Variants in SHANK2 observed in about 807,000 individuals in gnomAD.
The protein encoded by SHANK2 is SH3 and multiple ankyrin repeat domains 2.
A neutral mutation model predicts 133.7 loss-of-function variants in SHANK2; 43 were observed. That is an observed-to-expected ratio of 0.32 (90% CI 0.25 to 0.41). The LOEUF is 0.41. Among genes scored for constraint, SHANK2 ranks in the 10% least tolerant of loss-of-function variants. SHANK2 has a pLI of 1.00. For missense variants in SHANK2, 1,994 were observed against 2,235.8 expected (o/e 0.89, Z 2.18); for synonymous variants, 1,017 against 952.8 (o/e 1.07, Z -1.24).
intron 17 of SHANK2, among the ~76,000 whole-genome samples, chr11:70,608,947 T>C (rs1591643989): frequency 6.6e-6 from 1 of 152,356 alleles, no homozygotes; most frequent in South Asian, 2.1e-4. Context: ...CCCATGCTAA[T>C]TAATTTCACT....
rs1555075747 is a variant in SHANK2, at chr11:70,896,586, A to G, written c.1108-19T>C. 2 of 718,828 alleles carry G rather than the reference A, an allele frequency of 2.8e-6. No homozygotes were observed. Among genetic ancestry groups the G allele is most frequent in the Admixed American group, 2.0e-5 (1 of 49,962 alleles). 44.5% of individuals were successfully genotyped at this position (718,828 alleles called of 1,614,324 possible). On this transcript the variant is annotated intron_variant, in intron 10 of 25. Coordinates refer to ENST00000601538, the MANE Select transcript of SHANK2 (RefSeq NM_012309.5). Reference sequence around the variant, plus strand: ...TGGCCACCTGCAAAGTGAAAATCACATTAAGTTAAGTGTCACCTGCAGAAC... The same window carrying G: ...TGGCCACCTGCAAAGTGAAAATCACGTTAAGTTAAGTGTCACCTGCAGAAC...
chr11:71,228,868 G>C (rs1323695789), intron 1 of SHANK2, among the ~76,000 whole-genome samples: 1 of 152,014 alleles, frequency 6.6e-6, no homozygotes, highest in Non-Finnish European at 1.5e-5. Flanking sequence ...AACAAATAGA[G>C]TTCAGCAATA....
At chr11:71,196,029 A>T (rs1225971578) in intron 2 of SHANK2, among the ~76,000 whole-genome samples, 2 of 152,036 alleles carry the variant, frequency 1.3e-5, no homozygotes, top group Non-Finnish European at 2.9e-5. Context: ...AAAAATATTT[A>T]AAAATTAGCC....
In SHANK2 at chr11:71,225,306, C is replaced by T. The variant is rs577765833; in HGVS notation, c.-112-510G>A. 1.8e-4 allele frequency among the ~76,000 whole-genome samples: 28 copies of T among 152,326 alleles called. 1 individual carries two copies. The South Asian group carries it at 4.4e-3, about 24-fold the overall frequency. On this transcript the variant is annotated intron_variant, in intron 1 of 25. Transcript: ENST00000601538. The stretch of plus-strand genomic sequence containing the variant: ...GCCGAGTAGGGAGTCTAGATTTCCA[C>T]CCTGTGTGGCTATAATGAAGCACCA...
intron 17 of SHANK2, among the ~76,000 whole-genome samples, chr11:70,631,408 A>ACACC (rs1555002113): frequency 0.013 from 1,993 of 148,842 alleles, 23 homozygotes; most frequent in Middle Eastern, 0.021. Flanking sequence ...ACACACACAC[A>ACACC]CCCACACAAC....
chr11:71,189,565 GT>G (rs576567781), intron 2 of SHANK2, among the ~76,000 whole-genome samples: 3 of 151,974 alleles, frequency 2.0e-5, no homozygotes, highest in Admixed American at 6.6e-5. Flanking sequence ...ACCCAGCTAA[GT>G]TTTTTTTATT....
At chr11:70,548,190 G>A (rs542834556) in intron 17 of SHANK2, among the ~76,000 whole-genome samples, 3 of 152,338 alleles carry the variant, frequency 2.0e-5, no homozygotes, top group African/African-American at 7.2e-5. Context: ...GCCACCCCTG[G>A]AGCAGGCGGC....
At chr11:70,498,269 C>T (rs1555157547) in intron 21 of SHANK2, among the ~76,000 whole-genome samples, 1 of 152,252 alleles carries the variant, frequency 6.6e-6, no homozygotes, top group Non-Finnish European at 1.5e-5. Flanking sequence ...CACACATCTG[C>T]AGCGCCAGAT....
At chr11:70,536,403 A>G (rs782069367) in intron 17 of SHANK2, among the ~76,000 whole-genome samples, 12 of 152,286 alleles carry the variant, frequency 7.9e-5, no homozygotes, top group South Asian at 4.1e-4. Context: ...AGGCCACTCC[A>G]CAGCCAGCAA....
chr11:70,783,692 G>A (rs981013248), intron 14 of SHANK2, among the ~76,000 whole-genome samples: 17 of 152,058 alleles, frequency 1.1e-4, no homozygotes, highest in African/African-American at 3.9e-4. Flanking sequence ...CAGAGGGGGC[G>A]TCTGGGTGGG....
At chr11:70,600,418 C>CAAAAAAAAAAAAAAA (rs56103044) in intron 17 of SHANK2, among the ~76,000 whole-genome samples, 1 of 95,462 alleles carries the variant, frequency 1.0e-5, no homozygotes, top group Non-Finnish European at 2.1e-5. Flanking sequence ...GACTCTGTCT[C>CAAAAAAAAAAAAAAA]AAAAAAAAAA....
At chr11:70,557,889 GC>G (rs1417659223) in intron 17 of SHANK2, among the ~76,000 whole-genome samples, 1 of 152,256 alleles carries the variant, frequency 6.6e-6, no homozygotes, top group African/African-American at 2.4e-5. Context: ...TCCCAGGCGT[GC>G]CGAGCCGGGG....
At chr11:70,502,751 C>CT in intron 18 of SHANK2, 45 bp downstream of exon 18, 11 of 1,319,662 alleles carry the variant, frequency 8.3e-6, no homozygotes, top group South Asian at 1.4e-5. Context: ...ACCCCCCCCC[C>CT]CCAGTAGGGC....
intron 11 of SHANK2, among the ~76,000 whole-genome samples, chr11:70,881,556 A>T (rs1949660015): frequency 6.2e-5 from 1 of 16,090 alleles, no homozygotes; most frequent in African/African-American, 7.0e-5. Flanking sequence ...CTCAATAATA[A>T]TAATATTAAT....
chr11:70,684,296 G>T (rs922287488), intron 15 of SHANK2, among the ~76,000 whole-genome samples: 1 of 152,128 alleles, frequency 6.6e-6, no homozygotes, highest in Admixed American at 6.5e-5. Flanking sequence ...TGGGCACGGC[G>T]CATGCATCCC....
intron 3 of SHANK2, among the ~76,000 whole-genome samples, chr11:71,140,624 AC>A (rs1555105590): frequency 1.3e-5 from 2 of 152,180 alleles, no homozygotes; most frequent in African/African-American, 4.8e-5. Context: ...AGGAGGGTGG[AC>A]CCAGGAGAAC....
chr11:71,238,729 C>T (rs1954853384), intron 1 of SHANK2, among the ~76,000 whole-genome samples: 1 of 152,270 alleles, frequency 6.6e-6, no homozygotes, highest in African/African-American at 2.4e-5. Context: ...TGGGCAAATG[C>T]ACTGTCTGTG....
intron 14 of SHANK2, among the ~76,000 whole-genome samples, chr11:70,768,717 G>A (rs192509163): frequency 1.3e-5 from 2 of 152,338 alleles, no homozygotes; most frequent in Admixed American, 1.3e-4. Context: ...CAAGGCTGGG[G>A]GAAGCCTCAG....
At position 71,092,542 on chromosome 11, in the gene SHANK2, G is replaced by T; in HGVS notation, c.792C>A (p.Gly264=). 1 of 1,551,882 alleles carries T rather than the reference G, an allele frequency of 6.4e-7. No individual in the cohort carries two copies. The highest frequency in any genetic ancestry group is 8.7e-7 in the Non-Finnish European group (1 of 1,147,048). ...GASPDYKDSY[G]LTPLYHTAIV... is the part of the protein sequence containing the mutation. Reference sequence around the variant, plus strand: ...TGGCTGTGTGATACAGCGGGGTGAGGCCGTAACTGTCTTTATAATCTGGGG... The same window carrying T: ...TGGCTGTGTGATACAGCGGGGTGAGTCCGTAACTGTCTTTATAATCTGGGG... Residue 264 remains glycine (G), a synonymous_variant, in exon 8 of 26, where the codon GGC becomes GGA. Transcript: ENST00000601538.
Sources: allele counts gnomAD v4.1 joint callset (sites outside exome capture counted in the v4.1 genomes callset), GRCh38; gene constraint gnomAD v4.1.1; transcripts MANE v1.5; gene names NCBI Gene and HGNC (gene_info 2026-07-23, HGNC 2026-07-21).